The following TENM3 variants were observed in gnomAD, a reference collection of about 807,000 sequenced individuals.
The protein encoded by TENM3 is teneurin-3.
Under a neutral mutation model 255.1 loss-of-function variants are expected in TENM3, and 63 were observed. The ratio of observed to expected loss-of-function variants is 0.25; its 90% confidence interval spans 0.20 to 0.30. The LOEUF (loss-of-function observed/expected upper bound fraction) is 0.30, where lower values mean the gene tolerates loss of function less well. TENM3 is among the 10% of genes least tolerant of loss of function. TENM3 has a pLI of 1.00. For missense variants in TENM3, 2,929 were observed against 3,461.1 expected, an observed-to-expected ratio of 0.85 and a Z score of 3.86; for synonymous variants, 1,306 against 1,322.3, an observed-to-expected ratio of 0.99 and a Z score of 0.27.
intron 4 of TENM3, among the ~76,000 whole-genome samples, chr4:182,604,822 T>A (rs1748253623): frequency 6.6e-6 from 1 of 152,230 alleles, no homozygotes; most frequent in South Asian, 2.1e-4. Context: ...TACCTTCTAG[T>A]TCAGTAATGC....
the TENM3 span, among the ~76,000 whole-genome samples, chr4:181,782,047 C>T: frequency 1.3e-5 from 2 of 151,956 alleles, no homozygotes; most frequent in African/African-American, 2.4e-5. Flanking sequence ...ATTTTTGCAT[C>T]GATGTTCATC....
rs1372848979 is a variant in TENM3, at chr4:182,357,970, A to T, written c.511+11041A>T. 6.0e-5 allele frequency among the ~76,000 whole-genome samples: 9 copies of T among 150,294 alleles called. No homozygotes were observed. The East Asian group carries it at 1.8e-3, about 29-fold the overall frequency. ...GTTTTCCCAGCACCATTTATTAAAT[A>T]GGGAATCCTTTCCCCATTGCTCGTT... On this transcript the variant is annotated intron_variant, in intron 3 of 27. Coordinates refer to ENST00000511685, the MANE Select transcript of TENM3 (RefSeq NM_001080477.4).
the TENM3 span, among the ~76,000 whole-genome samples, chr4:181,743,430 G>A: frequency 6.6e-6 from 1 of 152,204 alleles, no homozygotes. Context: ...CGCCAGTGAT[G>A]GTGAGCATGG....
At chr4:181,666,699 T>A in the TENM3 span, among the ~76,000 whole-genome samples, 1 of 151,148 alleles carries the variant, frequency 6.6e-6, no homozygotes, top group Non-Finnish European at 1.5e-5. Flanking sequence ...AGACCAAAAA[T>A]TTTTTTTTTC....
chr4:182,393,875 T>G (rs1768614755), intron 3 of TENM3, among the ~76,000 whole-genome samples: 1 of 152,190 alleles, frequency 6.6e-6, no homozygotes, highest in Non-Finnish European at 1.5e-5. Context: ...ATTGAGAAAC[T>G]ATTGGATATC....
At chr4:182,097,297 T>A in the TENM3 span, among the ~76,000 whole-genome samples, 1 of 152,194 alleles carries the variant, frequency 6.6e-6, no homozygotes, top group East Asian at 1.9e-4. Context: ...TGAAGCAACT[T>A]CCTCACCTCC....
At chr4:182,030,235 C>T in the TENM3 span, among the ~76,000 whole-genome samples, 4 of 152,080 alleles carry the variant, frequency 2.6e-5, no homozygotes, top group African/African-American at 9.7e-5. Flanking sequence ...TCTCTCCCCC[C>T]ACCCCACCCC....
intron 1 of TENM3, among the ~76,000 whole-genome samples, chr4:182,278,724 T>G (rs964738880): frequency 6.6e-6 from 1 of 151,894 alleles, no homozygotes; most frequent in Non-Finnish European, 1.5e-5. Flanking sequence ...ATTTCGTGAT[T>G]TGATTAATGA....
At chr4:182,064,451 G>A in the TENM3 span, among the ~76,000 whole-genome samples, 2 of 152,076 alleles carry the variant, frequency 1.3e-5, no homozygotes, top group East Asian at 3.9e-4. Flanking sequence ...GGTGGCGGGC[G>A]CCTGTAGTCC....
At chr4:182,614,122 T>C (rs1373406013) in intron 4 of TENM3, among the ~76,000 whole-genome samples, 1 of 152,234 alleles carries the variant, frequency 6.6e-6, no homozygotes, top group African/African-American at 2.4e-5. Flanking sequence ...TAGTTTACAT[T>C]GTAATGTTGG....
At chr4:182,287,222 C>T (rs942386706) in intron 1 of TENM3, among the ~76,000 whole-genome samples, 1 of 152,100 alleles carries the variant, frequency 6.6e-6, no homozygotes, top group East Asian at 1.9e-4. Flanking sequence ...AGCGAGACTC[C>T]GTCTCTAATA....
chr4:181,556,007 G>C, the TENM3 span, among the ~76,000 whole-genome samples: 2 of 152,120 alleles, frequency 1.3e-5, no homozygotes, highest in African/African-American at 4.8e-5. Flanking sequence ...AGTTCAAAAA[G>C]CATTCAGGTC....
intron 5 of TENM3, among the ~76,000 whole-genome samples, chr4:182,629,626 C>T (rs943884311): frequency 3.3e-5 from 5 of 152,042 alleles, no homozygotes; most frequent in African/African-American, 9.7e-5. Flanking sequence ...AGGAAAAGGC[C>T]TACCACATTG....
chr4:182,014,185 T>A, the TENM3 span, among the ~76,000 whole-genome samples: 165 of 148,932 alleles, frequency 1.1e-3, 1 homozygote, highest in African/African-American at 4.0e-3. Flanking sequence ...TATATATGTG[T>A]GTGTATATAT....
chr4:182,039,441 C>T, the TENM3 span, among the ~76,000 whole-genome samples: 1 of 152,012 alleles, frequency 6.6e-6, no homozygotes, highest in Non-Finnish European at 1.5e-5. Flanking sequence ...AGCACTGGTG[C>T]AAAAAGTATG....
chr4:182,466,262 C>A (rs2151424128), intron 3 of TENM3, among the ~76,000 whole-genome samples: 1 of 152,302 alleles, frequency 6.6e-6, no homozygotes, highest in Middle Eastern at 3.4e-3. Context: ...GGCTAGACAT[C>A]CAAAATCAAG....
At chr4:181,496,276 T>C in the TENM3 span, among the ~76,000 whole-genome samples, 1 of 149,204 alleles carries the variant, frequency 6.7e-6, no homozygotes, top group Non-Finnish European at 1.5e-5. Flanking sequence ...TCTTTGACAA[T>C]GTGATATTTG....
the TENM3 span, among the ~76,000 whole-genome samples, chr4:181,971,662 G>T: frequency 6.6e-6 from 1 of 152,062 alleles, no homozygotes; most frequent in Admixed American, 6.6e-5. Context: ...AAATTCCTGA[G>T]CTCAAGCAAT....
chr4:182,015,980 T>C, the TENM3 span, among the ~76,000 whole-genome samples: 3 of 152,236 alleles, frequency 2.0e-5, no homozygotes, highest in African/African-American at 7.2e-5. Flanking sequence ...ATCATTAAGC[T>C]TGTATCAATG....
Sources: allele counts gnomAD v4.1 joint callset (sites outside exome capture counted in the v4.1 genomes callset), GRCh38; gene constraint gnomAD v4.1.1; transcripts MANE v1.5; gene names NCBI Gene and HGNC (gene_info 2026-07-23, HGNC 2026-07-21).